Variants in GNA15 observed in about 807,000 individuals in gnomAD.
The protein encoded by GNA15 is guanine nucleotide-binding protein subunit alpha-15.
In GNA15, 23 loss-of-function variants were observed where a neutral mutation model predicts 40.1. The observed-to-expected ratio is 0.57, with a 90% CI of 0.41 to 0.81. The LOEUF (loss-of-function observed/expected upper bound fraction) is 0.81. Among genes scored for constraint, GNA15 ranks in the 40% least tolerant of loss-of-function variants. The pLI, the probability that GNA15 is intolerant of heterozygous loss-of-function variation, is 0.00. For synonymous variants in GNA15, 226 were observed against 210.4 expected, an observed-to-expected ratio of 1.07 and a Z score of -0.64; for missense variants, 522 against 515.8, an observed-to-expected ratio of 1.01 and a Z score of -0.12.
chr19:3,154,847 G>A (rs1015623987), intron 4 of GNA15, among the ~76,000 whole-genome samples: 1 of 152,060 alleles, frequency 6.6e-6, no homozygotes, highest in African/African-American at 2.4e-5. Context: ...GGAAGTCTGG[G>A]CCAAGGAAGT....
At chr19:3,138,203 C>G (rs1914495107) in intron 1 of GNA15, among the ~76,000 whole-genome samples, 1 of 151,988 alleles carries the variant, frequency 6.6e-6, no homozygotes, top group Non-Finnish European at 1.5e-5. Flanking sequence ...GAGGTGGAGG[C>G]TGCAGTGAGC....
chr19:3,138,875 T>A (rs1338743134), intron 1 of GNA15, among the ~76,000 whole-genome samples: 4 of 146,770 alleles, frequency 2.7e-5, no homozygotes, highest in African/African-American at 1.0e-4. Flanking sequence ...CCTGACCTGG[T>A]GATCAACCCG....
chr19:3,147,541 T>A (rs1229548309), intron 1 of GNA15, among the ~76,000 whole-genome samples: 1 of 97,936 alleles, frequency 1.0e-5, no homozygotes, highest in Non-Finnish European at 2.0e-5. Flanking sequence ...CAACAGAGAA[T>A]CTGTCTAAAA....
chr19:3,137,939 T>A (rs1381126480), intron 1 of GNA15, among the ~76,000 whole-genome samples: 2 of 151,606 alleles, frequency 1.3e-5, no homozygotes, highest in East Asian at 3.9e-4. Flanking sequence ...CCAGCCTGGA[T>A]GACAGAGCAA....
chr19:3,149,252 C>G (rs1005794726), intron 2 of GNA15: 3 of 164,068 alleles, frequency 1.8e-5, no homozygotes, highest in African/African-American at 7.2e-5. Flanking sequence ...CAAACACACA[C>G]AAGAATGCAT....
chr19:3,148,210 T>C (rs1465495742), intron 1 of GNA15, among the ~76,000 whole-genome samples: 1 of 152,100 alleles, frequency 6.6e-6, no homozygotes, highest in African/African-American at 2.4e-5. Flanking sequence ...TGCCTCAGCC[T>C]CCTGCGTAGC....
At chr19:3,140,159 A>G (rs1914549556) in intron 1 of GNA15, among the ~76,000 whole-genome samples, 1 of 151,304 alleles carries the variant, frequency 6.6e-6, no homozygotes, top group Non-Finnish European at 1.5e-5. Context: ...TATTTTAAAT[A>G]AATAGGGCTA....
chr19:3,148,829 T>C, intron 2 of GNA15, 54 bp downstream of exon 2: 1 of 1,491,776 alleles, frequency 6.7e-7, no homozygotes, highest in Non-Finnish European at 9.0e-7. Flanking sequence ...CAGGGCAGGG[T>C]TCCCCAGACC....
chr19:3,148,879 AG>A, intron 2 of GNA15, 104 bp downstream of exon 2: 1 of 1,138,770 alleles, frequency 8.8e-7, no homozygotes, highest in Non-Finnish European at 1.2e-6. Context: ...AGGGCAGGGC[AG>A]GGCAGGGCAG....
At chr19:3,149,393 TCCC>T (rs558721929) in intron 2 of GNA15, 4 of 152,882 alleles carry the variant, frequency 2.6e-5, no homozygotes, top group Non-Finnish European at 4.3e-5. Context: ...CTGCATGCAA[TCCC>T]CCCATGCACA....
chr19:3,156,163 G>GACACACACAC (rs141415003), intron 5 of GNA15, among the ~76,000 whole-genome samples: 1,592 of 136,000 alleles, frequency 0.012, 41 homozygotes, highest in African/African-American at 0.04. Context: ...CAGGACCCCA[G>GACACACACAC]ACACACACAC....
intron 2 of GNA15, chr19:3,149,189 G>A: frequency 5.5e-6 from 1 of 182,704 alleles, no homozygotes; most frequent in Non-Finnish European, 1.2e-5. Context: ...ACACAAATAA[G>A]TGCACACACA....
intron 1 of GNA15, among the ~76,000 whole-genome samples, chr19:3,138,797 AT>A (rs143429911): frequency 4.4e-4 from 62 of 140,984 alleles, no homozygotes; most frequent in East Asian, 1.2e-3. Context: ...CGCCCAGTTA[AT>A]TTTTTTTTTT....
chr19:3,145,359 A>ATATATATATTT lies in GNA15; in HGVS notation c.146-3231_146-3230insATATATATTTT. Among the ~76,000 whole-genome samples, 112 of 46,956 alleles carry ATATATATATTT rather than the reference A, an allele frequency of 2.4e-3. 1 individual carries two copies. Among genetic ancestry groups the ATATATATATTT allele is most frequent in the Middle Eastern group, 0.023 (1 of 44 alleles). 30.8% of individuals were successfully genotyped at this position (46,956 alleles called of 152,430 possible). A position where few individuals can be genotyped will look rare whatever the true frequency, so the allele number is the denominator to read the frequency against. On this transcript the variant is annotated intron_variant, in intron 1 of 6. Coordinates refer to ENST00000262958, the MANE Select transcript of GNA15 (RefSeq NM_002068.4). ...TAAATATATATATATATATATATATATTTTTTTTTTTTTGTAGAGATGGGG... is the reference window on the plus strand; with the variant it reads ...TAAATATATATATATATATATATATATATATATATTTTTTTTTTTTTTTTGTAGAGATGGGG...
At position 3,163,236 on chromosome 19, in the gene GNA15, C is replaced by G. The variant is rs1409583515; in HGVS notation, c.*217C>G. 1 of 577,534 alleles carries G rather than the reference C, an allele frequency of 1.7e-6. No homozygotes were observed. The highest frequency in any genetic ancestry group is 1.9e-5 in the African/African-American group (1 of 53,464). 35.8% of individuals were successfully genotyped at this position (577,534 alleles called of 1,614,324 possible). On this transcript the variant is annotated 3_prime_UTR_variant, in exon 7 of 7. Coordinates refer to ENST00000262958, the MANE Select transcript of GNA15 (RefSeq NM_002068.4). The stretch of plus-strand genomic sequence containing the variant: ...TGCCCTTGCTTGACTCAGTTTCCCT[C>G]CTTTGAAAGGGAAGGAGCAAAACGG...
intron 1 of GNA15, among the ~76,000 whole-genome samples, chr19:3,139,366 T>C (rs11878928): frequency 0.28 from 42,440 of 150,184 alleles, 6,099 homozygotes; most frequent in Non-Finnish European, 0.32. Flanking sequence ...GTGGGAGGAT[T>C]GCTTGAGCTT....
intron 6 of GNA15, among the ~76,000 whole-genome samples, chr19:3,158,723 G>C (rs943727966): frequency 3.9e-5 from 6 of 152,032 alleles, no homozygotes; most frequent in African/African-American, 1.4e-4. Context: ...CCCGGTTCAA[G>C]TGATTCTCCT....
intron 6 of GNA15, 87 bp downstream of exon 6, chr19:3,157,968 G>T: frequency 9.2e-7 from 1 of 1,081,930 alleles, no homozygotes; most frequent in South Asian, 1.4e-5. Context: ...CTTCAGCCTG[G>T]AGTCACCGGA....
intron 3 of GNA15, among the ~76,000 whole-genome samples, chr19:3,150,905 G>T (rs1306401622): frequency 1.3e-5 from 2 of 150,292 alleles, no homozygotes; most frequent in Non-Finnish European, 3.0e-5. Flanking sequence ...TCCCGGGGGT[G>T]ACTCTGTTCC....
Sources: allele counts gnomAD v4.1 joint callset (sites outside exome capture counted in the v4.1 genomes callset), GRCh38; gene constraint gnomAD v4.1.1; transcripts MANE v1.5; gene names NCBI Gene and HGNC (gene_info 2026-07-23, HGNC 2026-07-21).